The following ACVR1B variants were observed in gnomAD, a reference collection of about 807,000 sequenced individuals.
The protein encoded by ACVR1B is activin receptor type-1B.
Under a neutral mutation model 55.6 loss-of-function variants are expected in ACVR1B, and 15 were observed. That is an observed-to-expected ratio of 0.27 (90% CI 0.18 to 0.42). The LOEUF is 0.42. ACVR1B is among the 10% of genes least tolerant of loss of function. The pLI, the probability that ACVR1B is intolerant of heterozygous loss-of-function variation, is 1.00. For synonymous variants in ACVR1B, 247 were observed against 254.6 expected, an observed-to-expected ratio of 0.97 and a Z score of 0.28; for missense variants, 359 against 670.1, an observed-to-expected ratio of 0.54 and a Z score of 5.13.
At chr12:51,981,597 C>T (rs1485395821) in intron 4 of ACVR1B, among the ~76,000 whole-genome samples, 1 of 152,108 alleles carries the variant, frequency 6.6e-6, no homozygotes, top group Non-Finnish European at 1.5e-5. Flanking sequence ...TTTGGGAGGC[C>T]GAGGCAGGCA....
intron 7 of ACVR1B, 29 bp from the exon 8 acceptor site, chr12:51,991,834 A>G (rs1942198050): frequency 6.2e-7 from 1 of 1,603,822 alleles, no homozygotes; most frequent in Admixed American, 1.7e-5. Flanking sequence ...GCTGTTGATA[A>G]CTCAGGTAGA....
intron 1 of ACVR1B, among the ~76,000 whole-genome samples, chr12:51,952,554 C>G (rs1941322693): frequency 6.6e-6 from 1 of 152,168 alleles, no homozygotes; most frequent in African/African-American, 2.4e-5. Flanking sequence ...CTTTTTGGAG[C>G]CTGGCTTTGG....
intron 4 of ACVR1B, chr12:51,982,628 G>A (rs1180569715): frequency 4.8e-6 from 7 of 1,454,242 alleles, no homozygotes; most frequent in Non-Finnish European, 6.3e-6. Context: ...CAATTTAGAA[G>A]TTAGTGTCTA....
intron 4 of ACVR1B, chr12:51,982,554 C>G (rs1941998903): frequency 9.9e-7 from 1 of 1,006,854 alleles, no homozygotes; most frequent in African/African-American, 1.7e-5. Flanking sequence ...CTGTGAGTGG[C>G]TGGTTCACAT....
intron 8 of ACVR1B, among the ~76,000 whole-genome samples, chr12:51,992,960 C>G (rs1942222627): frequency 6.6e-6 from 1 of 152,256 alleles, no homozygotes; most frequent in Non-Finnish European, 1.5e-5. Context: ...CTCCTTTTCA[C>G]TTGCGGTTCT....
intron 7 of ACVR1B, among the ~76,000 whole-genome samples, chr12:51,988,279 G>A (rs1942120306): frequency 6.6e-6 from 1 of 152,180 alleles, no homozygotes; most frequent in East Asian, 1.9e-4. Flanking sequence ...GACCATCCTG[G>A]CCAACATGGT....
At position 51,994,324 on chromosome 12, in the gene ACVR1B, G is replaced by A; in HGVS notation, c.*214G>A. On this transcript the variant is annotated 3_prime_UTR_variant, in exon 9 of 9. Transcript: ENST00000257963. The surrounding 1 kb of genome is among the most constrained non-coding windows in gnomAD (Gnocchi z 4.2). ...TCTATTTACCTCCTAATGGCATGGA[G>A]ACTCTGAGAGCGAATTGTGTGGAGA... 1 of 552,082 alleles carries A rather than the reference G, an allele frequency of 1.8e-6. No homozygotes were observed. Among genetic ancestry groups the A allele is most frequent in the Non-Finnish European group, 3.2e-6 (1 of 316,534 alleles). The allele number at this position is 552,082 out of a possible 1,614,324, so 34.2% of individuals were successfully genotyped here.
intron 1 of ACVR1B, among the ~76,000 whole-genome samples, chr12:51,964,899 CTTTAT>C (rs1471386957): frequency 6.6e-6 from 1 of 151,618 alleles, no homozygotes; most frequent in African/African-American, 2.4e-5. Flanking sequence ...AGTCCTCCAA[CTTTAT>C]TTTTTTTTTC....
chr12:51,984,071 A>T lies in ACVR1B; in HGVS notation c.884A>T (p.Asn295Ile). Residue 295 changes from asparagine to isoleucine, a missense_variant, in exon 5 of 9, where the codon AAC becomes ATC. This residue lies in a region of ACVR1B where 119 missense variants were observed against 340.2 expected (regional missense o/e 0.35). Transcript: ENST00000257963. ...CACGGGTCCCTGTTTGATTATCTGA[A>T]CCGGTACACAGTGACAATTGAGGGG... ...HEHGSLFDYLNRYTVTIEGMI... is the reference protein window; with the variant it reads ...HEHGSLFDYLIRYTVTIEGMI... 1 of 1,614,158 alleles carries T rather than the reference A, an allele frequency of 6.2e-7. No homozygotes were observed. The highest frequency in any genetic ancestry group is 8.5e-7 in the Non-Finnish European group (1 of 1,180,036).
Position 51,994,172 on chromosome 12 carries a change from G to A in ACVR1B, c.*62G>A, listed in dbSNP as rs1565624905. The stretch of plus-strand genomic sequence containing the variant: ...GAACTACGCACAGCTGCCGCGTTGA[G>A]CGTACGATGGAGGCCTACCTCTCGT... On this transcript the variant is annotated 3_prime_UTR_variant, in exon 9 of 9. Coordinates refer to ENST00000257963, the MANE Select transcript of ACVR1B (RefSeq NM_004302.5). This position sits in a 1 kb window ranked among gnomAD's most constrained non-coding sequence, Gnocchi z 4.2. 4 of 1,588,070 alleles carry A rather than the reference G, an allele frequency of 2.5e-6. No individual in the cohort carries two copies. Among genetic ancestry groups the A allele is most frequent in the South Asian group, 1.1e-5 (1 of 88,948 alleles).
chr12:51,990,997 T>C (rs895490478), intron 7 of ACVR1B, among the ~76,000 whole-genome samples: 1 of 152,180 alleles, frequency 6.6e-6, no homozygotes, highest in African/African-American at 2.4e-5. Flanking sequence ...TGCGTAGCAT[T>C]GGTTCTCTAT....
intron 1 of ACVR1B, chr12:51,953,575 A>C (rs1019414175): frequency 2.1e-6 from 2 of 967,956 alleles, no homozygotes; most frequent in African/African-American, 3.6e-5. Context: ...TGTGTAACAT[A>C]ATGTTCTCTA....
chr12:51,994,646 G>C lies in ACVR1B; in HGVS notation c.*536G>C, dbSNP rs571618446. 1.3e-5 allele frequency: 2 copies of C among 156,350 alleles called. No individual in the cohort carries two copies. The highest frequency in any genetic ancestry group is 1.3e-4 in the Admixed American group (2 of 15,716). 9.7% of individuals were successfully genotyped at this position (156,350 alleles called of 1,614,324 possible). ...CAGTGGAGACGGAATCTGCCGCTTT[G>C]TCTGTCCAGCCGTGTGTGCATGTGC... On this transcript the variant is annotated 3_prime_UTR_variant, in exon 9 of 9. Transcript: ENST00000257963. The surrounding 1 kb of genome is among the most constrained non-coding windows in gnomAD (Gnocchi z 4.2).
Position 51,996,244 on chromosome 12 carries a change from G to C in ACVR1B, c.*2134G>C, listed in dbSNP as rs1942294890. 2 of 152,504 alleles carry C rather than the reference G, an allele frequency of 1.3e-5. No homozygotes were observed. Among genetic ancestry groups the C allele is most frequent in the Non-Finnish European group, 2.9e-5 (2 of 68,072 alleles). The allele number at this position is 152,504 out of a possible 1,614,324, so 9.4% of individuals were successfully genotyped here. ...AGCCCCCTTCCTGTCCCCAGGGGAG[G>C]TGTATTGTGTATGTAGCCTTAGAGC... On this transcript the variant is annotated 3_prime_UTR_variant, in exon 9 of 9. Coordinates refer to ENST00000257963, the MANE Select transcript of ACVR1B (RefSeq NM_004302.5).
chr12:51,962,100 T>C (rs1187227813), intron 1 of ACVR1B, among the ~76,000 whole-genome samples: 1 of 152,202 alleles, frequency 6.6e-6, no homozygotes, highest in Non-Finnish European at 1.5e-5. Context: ...TTTAAACAGC[T>C]CTCTAGGGCT....
At chr12:51,976,631 A>G in intron 3 of ACVR1B, 56 bp downstream of exon 3, 1 of 1,599,862 alleles carries the variant, frequency 6.3e-7, no homozygotes, top group Non-Finnish European at 8.5e-7. Flanking sequence ...GTTTCCCAGC[A>G]GGATAGAGTG....
chr12:51,954,667 A>G (rs1031600287), intron 1 of ACVR1B, among the ~76,000 whole-genome samples: 2 of 152,242 alleles, frequency 1.3e-5, no homozygotes, highest in African/African-American at 4.8e-5. Context: ...TTTCAGCCCT[A>G]GAACTTAGCT....
intron 1 of ACVR1B, among the ~76,000 whole-genome samples, chr12:51,963,327 C>T (rs1301987169): frequency 6.6e-6 from 1 of 152,150 alleles, no homozygotes. Flanking sequence ...TCATTGCAAC[C>T]TCTGCCTCCC....
chr12:51,963,489 C>T (rs865813160), intron 1 of ACVR1B, among the ~76,000 whole-genome samples: 10 of 152,220 alleles, frequency 6.6e-5, no homozygotes, highest in South Asian at 2.1e-4. Context: ...CCACCCACCT[C>T]GGCCTCCCAA....
Sources: gnomAD v4.1 joint callset for allele counts (sites outside exome capture counted in the v4.1 genomes callset) on GRCh38, gnomAD v4.1.1 for gene constraint, gnomAD v4.1.1 regional missense constraint, Gnocchi (gnomAD v3.1) non-coding constraint, MANE v1.5 for transcripts, NCBI Gene and HGNC (gene_info 2026-07-23, HGNC 2026-07-21) for gene names.